Variants in ANO3 observed in about 807,000 individuals in gnomAD.
ANO3 encodes the protein anoctamin 3.
Under a neutral mutation model 144.8 loss-of-function variants are expected in ANO3, and 99 were observed. The ratio of observed to expected loss-of-function variants is 0.68; its 90% CI spans 0.58 to 0.81. ANO3 has a LOEUF of 0.81. Ranked by LOEUF, ANO3 falls within the 30% of genes least tolerant of loss-of-function variation. The pLI, the probability that ANO3 is intolerant of heterozygous loss-of-function variation, is 0.00. For missense variants in ANO3, 905 were observed against 1,202.2 expected, an observed-to-expected ratio of 0.75 and a Z score of 3.66; for synonymous variants, 414 against 392.6, an observed-to-expected ratio of 1.05 and a Z score of -0.64.
At chr11:26,604,619 G>A (rs1278016593) in intron 17 of ANO3, among the ~76,000 whole-genome samples, 1 of 152,038 alleles carries the variant, frequency 6.6e-6, no homozygotes, top group Non-Finnish European at 1.5e-5. Context: ...TCCTTGAAGA[G>A]TTCTTTCAGA....
At chr11:26,565,209 G>T (rs768017367) in intron 14 of ANO3, 4 of 1,509,332 alleles carry the variant, frequency 2.7e-6, no homozygotes, top group South Asian at 2.7e-5. Flanking sequence ...TGAATTATTG[G>T]TGAATTTTAA....
At chr11:26,385,046 T>G (rs1856686876) in intron 1 of ANO3, among the ~76,000 whole-genome samples, 1 of 152,210 alleles carries the variant, frequency 6.6e-6, no homozygotes, top group Non-Finnish European at 1.5e-5. Flanking sequence ...CTATCTGTTC[T>G]TCAAAATTTT....
intron 4 of ANO3, among the ~76,000 whole-genome samples, chr11:26,468,413 G>C (rs989812325): frequency 2.0e-5 from 3 of 151,956 alleles, no homozygotes; most frequent in Non-Finnish European, 4.4e-5. Flanking sequence ...GAAGGTTATA[G>C]ACAAGGAAAA....
intron 14 of ANO3, chr11:26,563,162 C>T (rs764780529): frequency 1.4e-5 from 22 of 1,611,914 alleles, no homozygotes; most frequent in Middle Eastern, 3.3e-4. Context: ...AAAATGAATC[C>T]GTTTTCCTTT....
At chr11:26,339,176 T>C (rs1292833442) in intron 1 of ANO3, among the ~76,000 whole-genome samples, 7 of 151,680 alleles carry the variant, frequency 4.6e-5, no homozygotes, top group Non-Finnish European at 8.8e-5. Flanking sequence ...CTTTTTTTGA[T>C]GGAGTCTGGC....
chr11:26,264,767 G>A (rs1853269742), intron 1 of ANO3, among the ~76,000 whole-genome samples: 4 of 152,118 alleles, frequency 2.6e-5, no homozygotes, highest in African/African-American at 9.6e-5. Context: ...ATTCCTGTGT[G>A]GGTCTGTATC....
intron 1 of ANO3, among the ~76,000 whole-genome samples, chr11:26,221,197 G>T (rs1451273758): frequency 6.6e-6 from 1 of 152,200 alleles, no homozygotes; most frequent in Non-Finnish European, 1.5e-5. Context: ...ATTTTGTCAT[G>T]TGTAGCTGTG....
At chr11:26,541,204 G>A (rs190827289) in intron 10 of ANO3, among the ~76,000 whole-genome samples, 4 of 152,040 alleles carry the variant, frequency 2.6e-5, no homozygotes, top group Admixed American at 6.6e-5. Flanking sequence ...AACGGAAAAC[G>A]AAACACCCCA....
At chr11:26,228,238 G>A (rs1024734510) in intron 1 of ANO3, among the ~76,000 whole-genome samples, 3 of 152,168 alleles carry the variant, frequency 2.0e-5, no homozygotes, top group African/African-American at 7.2e-5. Context: ...TGGCTTCTAC[G>A]ACCCACATAA....
intron 11 of ANO3, among the ~76,000 whole-genome samples, chr11:26,542,362 A>G (rs1466338537): frequency 6.6e-6 from 1 of 152,036 alleles, no homozygotes; most frequent in Non-Finnish European, 1.5e-5. Flanking sequence ...CCAGAGCCCA[A>G]TACTTATGTA....
At chr11:26,657,759 C>A (rs1315560192) in intron 26 of ANO3, among the ~76,000 whole-genome samples, 2 of 151,992 alleles carry the variant, frequency 1.3e-5, no homozygotes, top group Non-Finnish European at 2.9e-5. Context: ...TTATTTTGTG[C>A]CTTCCCCATT....
At chr11:26,651,257 T>A (rs1853522745) in intron 24 of ANO3, among the ~76,000 whole-genome samples, 1 of 152,214 alleles carries the variant, frequency 6.6e-6, no homozygotes, top group African/African-American at 2.4e-5. Flanking sequence ...GATTTTAATG[T>A]AACAGAATGA....
intron 4 of ANO3, 150 bp downstream of exon 4, chr11:26,463,298 GTA>G (rs1859485182): frequency 4.5e-6 from 2 of 449,376 alleles, no homozygotes; most frequent in Admixed American, 4.2e-5. Flanking sequence ...GCAAAAAGTT[GTA>G]TATAGAGTTG....
At chr11:26,207,165 G>A (rs564049979) in intron 1 of ANO3, among the ~76,000 whole-genome samples, 3 of 152,180 alleles carry the variant, frequency 2.0e-5, no homozygotes, top group East Asian at 3.9e-4. Context: ...TATTGCATAC[G>A]TAAAAATTTG....
chr11:26,447,080 G>T (rs932253407), intron 3 of ANO3, among the ~76,000 whole-genome samples: 1 of 151,742 alleles, frequency 6.6e-6, no homozygotes, highest in African/African-American at 2.4e-5. Context: ...ACGGTGGCAC[G>T]ACTGTAGTCC....
At chr11:26,564,698 C>T (rs1277168405) in intron 14 of ANO3, among the ~76,000 whole-genome samples, 2,266 of 46,164 alleles carry the variant, frequency 0.049, 336 homozygotes, top group South Asian at 0.059. Context: ...TATATACACA[C>T]ACACACACAC....
At chr11:26,278,353 G>A (rs1257649703) in intron 1 of ANO3, among the ~76,000 whole-genome samples, 1 of 152,142 alleles carries the variant, frequency 6.6e-6, no homozygotes. Flanking sequence ...TATTAAACCA[G>A]TATTAGGATA....
intron 1 of ANO3, among the ~76,000 whole-genome samples, chr11:26,229,638 CT>C (rs1163538469): frequency 1.3e-5 from 2 of 152,060 alleles, no homozygotes; most frequent in Admixed American, 6.6e-5. Flanking sequence ...CAACTCTTGC[CT>C]TTTTTTCTTT....
At chr11:26,229,812 T>G (rs544879169) in intron 1 of ANO3, among the ~76,000 whole-genome samples, 1 of 152,324 alleles carries the variant, frequency 6.6e-6, no homozygotes, top group Non-Finnish European at 1.5e-5. Flanking sequence ...TTCAAATTGT[T>G]ATATAAACAA....
Sources: allele counts gnomAD v4.1 joint callset (sites outside exome capture counted in the v4.1 genomes callset), GRCh38; gene constraint gnomAD v4.1.1; transcripts MANE v1.5; gene names NCBI Gene and HGNC (gene_info 2026-07-23, HGNC 2026-07-21).